The following PLCH2 variants were observed in gnomAD, a reference collection of about 807,000 sequenced individuals.
The protein encoded by PLCH2 is 1-phosphatidylinositol 4,5-bisphosphate phosphodiesterase eta-2.
Under a neutral mutation model 134.7 loss-of-function variants are expected in PLCH2, and 98 were observed. The observed-to-expected ratio is 0.73, with a 90% CI of 0.62 to 0.86. PLCH2 has a LOEUF of 0.86. PLCH2 is among the 40% of genes least tolerant of loss of function. The pLI, the probability that PLCH2 is intolerant of heterozygous loss-of-function variation, is 0.00. For synonymous variants in PLCH2, 974 were observed against 827.5 expected (o/e 1.18, Z -3.04); for missense variants, 1,994 against 1,986.6 (o/e 1.00, Z -0.07).
chr1:2,425,399 C>T (rs866760722), upstream of PLCH2, among the ~76,000 whole-genome samples: 2 of 152,196 alleles, frequency 1.3e-5, no homozygotes, highest in South Asian at 2.1e-4. Context: ...TTCTGTAACT[C>T]GGCTGTTGTG....
upstream of PLCH2, among the ~76,000 whole-genome samples, chr1:2,463,336 T>G (rs1247297390): frequency 6.6e-6 from 1 of 152,192 alleles, no homozygotes; most frequent in Non-Finnish European, 1.5e-5. Flanking sequence ...AACTCAGACA[T>G]TCCAAGGTGG....
chr1:2,475,948 A>G (rs1160030843), upstream of PLCH2, among the ~76,000 whole-genome samples: 2 of 152,104 alleles, frequency 1.3e-5, no homozygotes, highest in Non-Finnish European at 1.5e-5. Flanking sequence ...GGTCCTCATA[A>G]GTAGGGATGC....
intron 14 of PLCH2, 21 bp downstream of exon 14, chr1:2,496,725 G>T: frequency 6.2e-7 from 1 of 1,609,570 alleles, no homozygotes; most frequent in African/African-American, 1.3e-5. Context: ...CGGGGACCTG[G>T]GGCCACGGGC....
At chr1:2,424,754 A>G (rs187136350), upstream of PLCH2, among the ~76,000 whole-genome samples, 1,865 of 152,268 alleles carry the variant, frequency 0.012, 35 homozygotes, top group African/African-American at 0.038. Flanking sequence ...TTGGGAGGCC[A>G]AGGCGGGCGG....
At chr1:2,443,887 C>T (rs1256926047) in intron 2 of PLCH2, among the ~76,000 whole-genome samples, 1 of 151,058 alleles carries the variant, frequency 6.6e-6, no homozygotes, top group Admixed American at 6.6e-5. Flanking sequence ...CCTCCCGGCC[C>T]GCAGCCCCCG....
At chr1:2,474,464 G>A (rs1641507480), upstream of PLCH2, among the ~76,000 whole-genome samples, 2 of 152,190 alleles carry the variant, frequency 1.3e-5, no homozygotes, top group Non-Finnish European at 2.9e-5. Context: ...GAGGTCAGGG[G>A]GCCTGGGGTG....
At chr1:2,435,148 A>G (rs1479935747) in intron 2 of PLCH2, among the ~76,000 whole-genome samples, 1 of 152,110 alleles carries the variant, frequency 6.6e-6, no homozygotes, top group Non-Finnish European at 1.5e-5. Context: ...CTCTGCTGGG[A>G]GGAGGAGTGG....
chr1:2,500,102 C>G (rs1030521581), intron 20 of PLCH2: 2 of 268,382 alleles, frequency 7.5e-6, no homozygotes, highest in Admixed American at 4.7e-5. Flanking sequence ...CTCTACTACC[C>G]CCCACCCCTC....
At chr1:2,422,955 T>C (rs1487955424), upstream of PLCH2, among the ~76,000 whole-genome samples, 1 of 152,212 alleles carries the variant, frequency 6.6e-6, no homozygotes, top group Non-Finnish European at 1.5e-5. Context: ...TTTTCAAATC[T>C]TGACACGTTT....
Position 2,502,186 on chromosome 1 carries a change from T to C in PLCH2, c.2736T>C (p.Ala912=). ...PKPGSLDSHA[A]GRPPARPSVS... ...CCGGCTCGCTGGACAGTCATGCTGC[T>C]GGGCGGCCCCCGGCCCGGCCCTCCG... Residue 912 remains alanine (A), a synonymous_variant, in exon 21 of 22, where the codon GCT becomes GCC. Transcript: ENST00000378486. 1.3e-6 allele frequency: 2 copies of C among 1,532,754 alleles called. No individual in the cohort carries two copies. The highest frequency in any genetic ancestry group is 1.7e-4 in the Middle Eastern group (1 of 5,816). The allele number at this position is 1,532,754 out of a possible 1,614,324, so 94.9% of individuals were successfully genotyped here.
chr1:2,462,937 T>C (rs1029826320), upstream of PLCH2, among the ~76,000 whole-genome samples: 5 of 152,168 alleles, frequency 3.3e-5, no homozygotes, highest in East Asian at 1.9e-4. Context: ...GTAACATCCA[T>C]AGAACTCTTA....
At position 2,479,990 on chromosome 1, in the gene PLCH2, A is replaced by G; in HGVS notation, c.515+13A>G. The G allele has an allele frequency of 2.5e-6, 4 of 1,601,144 alleles. No homozygotes were observed. Among genetic ancestry groups the G allele is most frequent in the Non-Finnish European group, 2.6e-6 (3 of 1,171,296 alleles). ...GCACCAGGGACCAATATCCTTGGGCACCTATCGGGCAATGCAGACCCAGGG... is the reference window on the plus strand; with the variant it reads ...GCACCAGGGACCAATATCCTTGGGCGCCTATCGGGCAATGCAGACCCAGGG... On this transcript the variant is annotated intron_variant, in intron 3 of 21. Transcript: ENST00000378486.
At chr1:2,453,769 C>A (rs1640354031) in intron 2 of PLCH2, among the ~76,000 whole-genome samples, 1 of 152,204 alleles carries the variant, frequency 6.6e-6, no homozygotes, top group Non-Finnish European at 1.5e-5. Context: ...TCTCCTGACT[C>A]CAGCAGATGC....
intron 1 of PLCH2, among the ~76,000 whole-genome samples, chr1:2,470,854 G>A (rs1443078096): frequency 1.3e-5 from 2 of 152,200 alleles, no homozygotes; most frequent in Non-Finnish European, 2.9e-5. Context: ...GGCTCCCTCT[G>A]CAGCTCCTCT....
At chr1:2,480,812 A>G (rs968687810) in intron 4 of PLCH2, among the ~76,000 whole-genome samples, 1 of 151,608 alleles carries the variant, frequency 6.6e-6, no homozygotes, top group African/African-American at 2.4e-5. Context: ...TGCGGCCTTT[A>G]TTGTCTGTAA....
In PLCH2 at chr1:2,483,876, TGGGTGG is replaced by T. The variant is rs1558005152; in HGVS notation, c.646-571_646-566del. On this transcript the variant is annotated intron_variant, in intron 4 of 21. Coordinates refer to ENST00000378486, the MANE Select transcript of PLCH2 (RefSeq NM_014638.4). ...GTGTGGGGTGGCGCTGACCCCCGTG[TGGGTGG>T]CGCTGACTCCCGTGTGGGGGGGCGC... Among the ~76,000 whole-genome samples the T allele has an allele frequency of 8.2e-3, 186 of 22,660 alleles. 65 individuals carry two copies. Among genetic ancestry groups the T allele is most frequent in the African/African-American group, 8.9e-3 (60 of 6,762 alleles). The allele number at this position is 22,660 out of a possible 152,430, so 14.9% of individuals were successfully genotyped here.
At chr1:2,426,305 C>G (rs1235364018) in intron 1 of PLCH2, among the ~76,000 whole-genome samples, 4 of 152,242 alleles carry the variant, frequency 2.6e-5, no homozygotes, top group African/African-American at 7.2e-5. Context: ...GGAGCAGTGT[C>G]TATGGCCCCG....
In PLCH2 at chr1:2,498,653, G is replaced by A. The variant is rs1372663938; in HGVS notation, c.2349+6G>A. On this transcript the variant is annotated splice_donor_region_variant and intron_variant, in intron 17 of 21. Transcript: ENST00000378486. This position sits in a 1 kb window ranked among gnomAD's most constrained non-coding sequence, Gnocchi z 5.4. ...TGCTGGGGGACCGTGGGGAGGTGGG[G>A]GCCAGCCCCACACAGGCGGGAGGGG... The A allele has an allele frequency of 1.3e-6, 2 of 1,560,568 alleles. No homozygotes were observed. Among genetic ancestry groups the A allele is most frequent in the South Asian group, 1.2e-5 (1 of 85,204 alleles).
intron 2 of PLCH2, 134 bp from the exon 3 acceptor site, chr1:2,479,600 C>G (rs1044103169): frequency 4.4e-5 from 38 of 856,510 alleles, no homozygotes; most frequent in Non-Finnish European, 6.6e-5. Flanking sequence ...AACTCTGGAC[C>G]CTGAGCCCTG....
Sources: allele counts gnomAD v4.1 joint callset (sites outside exome capture counted in the v4.1 genomes callset), GRCh38; gene constraint gnomAD v4.1.1; non-coding constraint Gnocchi (gnomAD v3.1); transcripts MANE v1.5; gene names NCBI Gene and HGNC (gene_info 2026-07-23, HGNC 2026-07-21).